SEMA3A: variants seen among roughly 807,000 people sequenced by gnomAD.
SEMA3A encodes the protein semaphorin-3A.
In SEMA3A, 29 loss-of-function variants were observed where a neutral mutation model predicts 97.9. The observed-to-expected ratio is 0.30, with a 90% confidence interval of 0.22 to 0.40. The LOEUF is 0.40. Ranked by LOEUF, SEMA3A falls within the 10% of genes least tolerant of loss-of-function variation. SEMA3A has a pLI of 1.00. For synonymous variants in SEMA3A, 321 were observed against 323.7 expected, an observed-to-expected ratio of 0.99 and a Z score of 0.09; for missense variants, 763 against 951.3, an observed-to-expected ratio of 0.80 and a Z score of 2.60.
chr7:83,991,046 G>A (rs1789903383), intron 12 of SEMA3A, among the ~76,000 whole-genome samples: 1 of 150,356 alleles, frequency 6.7e-6, no homozygotes, highest in African/African-American at 2.4e-5. Flanking sequence ...TCCCTTGTAA[G>A]TTGTATTCCT....
At chr7:84,339,860 T>C (rs1802121365) in intron 2 of SEMA3A, among the ~76,000 whole-genome samples, 1 of 152,148 alleles carries the variant, frequency 6.6e-6, no homozygotes, top group Non-Finnish European at 1.5e-5. Flanking sequence ...TTAAGGAACA[T>C]ATTAATGATG....
intron 1 of SEMA3A, among the ~76,000 whole-genome samples, chr7:84,379,925 A>C (rs1803212911): frequency 6.6e-6 from 1 of 152,210 alleles, no homozygotes; most frequent in African/African-American, 2.4e-5. Flanking sequence ...TTTGTTTGGC[A>C]TCTAATTTGG....
At chr7:84,409,635 T>G (rs556496245) in intron 1 of SEMA3A, among the ~76,000 whole-genome samples, 18 of 152,242 alleles carry the variant, frequency 1.2e-4, no homozygotes, top group African/African-American at 4.3e-4. Flanking sequence ...AAATAGCTAT[T>G]GTGTAAATTC....
chr7:84,357,644 T>A (rs1034662659), intron 2 of SEMA3A, among the ~76,000 whole-genome samples: 1 of 152,088 alleles, frequency 6.6e-6, no homozygotes, highest in Non-Finnish European at 1.5e-5. Context: ...CCTTTGGGTA[T>A]ATACCCAGTA....
intron 1 of SEMA3A, among the ~76,000 whole-genome samples, chr7:84,402,334 A>T (rs1313056243): frequency 6.6e-6 from 1 of 152,208 alleles, no homozygotes; most frequent in Non-Finnish European, 1.5e-5. Context: ...ACAAAAATAC[A>T]AAACATAACA....
intron 4 of SEMA3A, among the ~76,000 whole-genome samples, chr7:84,070,044 C>A (rs1010767004): frequency 6.6e-6 from 1 of 152,086 alleles, no homozygotes; most frequent in African/African-American, 2.4e-5. Flanking sequence ...AAATAGATCG[C>A]ATATGCAAGT....
intron 4 of SEMA3A, among the ~76,000 whole-genome samples, chr7:84,077,693 A>G (rs1439269165): frequency 6.6e-6 from 1 of 152,116 alleles, no homozygotes; most frequent in Non-Finnish European, 1.5e-5. Flanking sequence ...ATTTTGACAA[A>G]GTTATTCTGG....
chr7:84,046,658 T>C (rs1792366072), intron 5 of SEMA3A, among the ~76,000 whole-genome samples: 1 of 151,804 alleles, frequency 6.6e-6, no homozygotes. Flanking sequence ...TATTCACTGA[T>C]TTAGTGTATG....
intron 1 of SEMA3A, among the ~76,000 whole-genome samples, chr7:84,185,535 T>C (rs947936874): frequency 6.9e-6 from 1 of 144,648 alleles, no homozygotes; most frequent in Non-Finnish European, 1.5e-5. Context: ...ATAAAAAAAA[T>C]AAAAAATTAG....
chr7:84,358,428 T>C (rs2116053041), intron 2 of SEMA3A, among the ~76,000 whole-genome samples: 1 of 152,322 alleles, frequency 6.6e-6, no homozygotes, highest in East Asian at 1.9e-4. Flanking sequence ...GTCAGGTTTG[T>C]CAAAGATCAG....
intron 2 of SEMA3A, among the ~76,000 whole-genome samples, chr7:84,367,524 C>T (rs1802877215): frequency 6.6e-6 from 1 of 150,384 alleles, no homozygotes; most frequent in African/African-American, 2.4e-5. Context: ...AGATTTGCCA[C>T]AGATGATCAG....
chr7:84,203,520 A>T (rs866795669), intron 3 of SEMA3A, among the ~76,000 whole-genome samples: 52 of 50,216 alleles, frequency 1.0e-3, no homozygotes, highest in African/African-American at 2.7e-3. Flanking sequence ...ATATATATAT[A>T]TATATATTTT....
At chr7:84,084,615 A>G (rs1214967401) in intron 4 of SEMA3A, among the ~76,000 whole-genome samples, 1 of 152,064 alleles carries the variant, frequency 6.6e-6, no homozygotes, top group Non-Finnish European at 1.5e-5. Context: ...AATAATTCCT[A>G]TTCTATTTTG....
intron 2 of SEMA3A, among the ~76,000 whole-genome samples, chr7:84,344,529 G>T (rs149053855): frequency 6.6e-6 from 1 of 152,234 alleles, no homozygotes; most frequent in East Asian, 1.9e-4. Context: ...GGCCAATGCA[G>T]CTAGACTTTG....
At chr7:84,153,523 G>A (rs17158675) in intron 1 of SEMA3A, among the ~76,000 whole-genome samples, 11,718 of 152,066 alleles carry the variant, frequency 0.077, 773 homozygotes, top group African/African-American at 0.17. Flanking sequence ...AGGAAACAGC[G>A]TAAAATATGA....
intron 3 of SEMA3A, among the ~76,000 whole-genome samples, chr7:84,280,007 C>T (rs1800399485): frequency 6.6e-6 from 1 of 152,184 alleles, no homozygotes; most frequent in Admixed American, 6.5e-5. Flanking sequence ...ATGTGATCCA[C>T]CCACCTCAGC....
At chr7:84,332,270 A>G (rs1046877072) in intron 2 of SEMA3A, among the ~76,000 whole-genome samples, 1 of 152,158 alleles carries the variant, frequency 6.6e-6, no homozygotes, top group African/African-American at 2.4e-5. Flanking sequence ...TCCAGAAAAA[A>G]ATAACATTAT....
At chr7:84,269,883 A>C (rs2115697815) in intron 3 of SEMA3A, among the ~76,000 whole-genome samples, 1 of 152,268 alleles carries the variant, frequency 6.6e-6, no homozygotes, top group South Asian at 2.1e-4. Flanking sequence ...CACATTAAGT[A>C]ATCATTTTAG....
chr7:84,180,675 G>A (rs1200974821), intron 1 of SEMA3A, among the ~76,000 whole-genome samples: 4 of 152,058 alleles, frequency 2.6e-5, no homozygotes, highest in South Asian at 4.1e-4. Flanking sequence ...GCAACAGAGC[G>A]AGACGTCATC....
Sources: allele counts gnomAD v4.1 joint callset (sites outside exome capture counted in the v4.1 genomes callset), GRCh38; gene constraint gnomAD v4.1.1; transcripts MANE v1.5; gene names NCBI Gene and HGNC (gene_info 2026-07-23, HGNC 2026-07-21).